Variants in HPSE2 observed in about 807,000 individuals in gnomAD.
The protein encoded by HPSE2 is heparanase 2 (inactive).
A neutral mutation model predicts 60.5 loss-of-function variants in HPSE2; 38 were observed. The observed-to-expected ratio is 0.63, with a 90% CI of 0.48 to 0.82. The LOEUF (loss-of-function observed/expected upper bound fraction) is 0.82. HPSE2 is among the 40% of genes least tolerant of loss of function. The pLI, the probability that HPSE2 is intolerant of heterozygous loss-of-function variation, is 0.00. For missense variants in HPSE2, 713 were observed against 740.4 expected (o/e 0.96, Z 0.43); for synonymous variants, 295 against 293.2 (o/e 1.01, Z -0.06).
At chr10:98,580,105 C>T (rs10883139) in intron 9 of HPSE2, among the ~76,000 whole-genome samples, 85,823 of 152,062 alleles carry the variant, frequency 0.56, 24,451 homozygotes, top group Middle Eastern at 0.65. Context: ...CAGTCTCCCG[C>T]GTTGATGAGA....
intron 3 of HPSE2, among the ~76,000 whole-genome samples, chr10:98,829,520 C>CA (rs200299856): frequency 0.018 from 2,676 of 148,566 alleles, 42 homozygotes; most frequent in Non-Finnish European, 0.027. Context: ...GACTCCATCT[C>CA]AAAAAAAACA....
At chr10:98,640,891 C>T (rs1332785046) in intron 7 of HPSE2, among the ~76,000 whole-genome samples, 2 of 152,120 alleles carry the variant, frequency 1.3e-5, no homozygotes, top group African/African-American at 2.4e-5. Flanking sequence ...AAAATAGAGA[C>T]CTCTGGGAGC....
intron 6 of HPSE2, among the ~76,000 whole-genome samples, chr10:98,645,647 C>T (rs1472891147): frequency 6.6e-6 from 1 of 152,120 alleles, no homozygotes; most frequent in African/African-American, 2.4e-5. Flanking sequence ...TTTGGTCATC[C>T]AGAATTCAGT....
At chr10:98,501,152 C>T (rs1478269114) in intron 9 of HPSE2, among the ~76,000 whole-genome samples, 1 of 151,936 alleles carries the variant, frequency 6.6e-6, no homozygotes, top group Non-Finnish European at 1.5e-5. Context: ...TGACACTATT[C>T]CAAAAGATAC....
chr10:98,691,297 C>T (rs1415626254), intron 6 of HPSE2, among the ~76,000 whole-genome samples: 1 of 152,098 alleles, frequency 6.6e-6, no homozygotes, highest in Non-Finnish European at 1.5e-5. Flanking sequence ...CAACCCCCTG[C>T]TTGCTTTTTA....
At chr10:99,192,174 G>C (rs1848244418) in intron 2 of HPSE2, among the ~76,000 whole-genome samples, 1 of 152,104 alleles carries the variant, frequency 6.6e-6, no homozygotes, top group African/African-American at 2.4e-5. Context: ...GAATGAAGTA[G>C]AAAGTTTATC....
In HPSE2 at chr10:99,215,476, G is replaced by A. The variant is rs116047744; in HGVS notation, c.448+16872C>T. Reference sequence around the variant, plus strand: ...GGGCCTGTCGGCGGGGTAGGGGGGCGAAAGGAGGGAGAGCATCAGGACAAA... The same window carrying A: ...GGGCCTGTCGGCGGGGTAGGGGGGCAAAAGGAGGGAGAGCATCAGGACAAA... On this transcript the variant is annotated intron_variant, in intron 2 of 11. Transcript: ENST00000370552. Among the ~76,000 whole-genome samples the A allele has an allele frequency of 5.9e-3, 891 of 152,284 alleles. 10 individuals carry two copies. Among genetic ancestry groups the A allele is most frequent in the African/African-American group, 0.02 (818 of 41,550 alleles).
chr10:99,032,053 A>G (rs1957509707), intron 3 of HPSE2, among the ~76,000 whole-genome samples: 1 of 152,200 alleles, frequency 6.6e-6, no homozygotes, highest in Non-Finnish European at 1.5e-5. Context: ...CACACCACAT[A>G]TATCTCGCTT....
intron 9 of HPSE2, among the ~76,000 whole-genome samples, chr10:98,512,985 G>A (rs977611812): frequency 2.0e-5 from 3 of 151,888 alleles, no homozygotes; most frequent in Non-Finnish European, 2.9e-5. Context: ...CTTTCTCCTG[G>A]GACACTTGAT....
chr10:98,480,013 T>C (rs368331427), intron 11 of HPSE2, among the ~76,000 whole-genome samples: 2 of 152,158 alleles, frequency 1.3e-5, no homozygotes, highest in South Asian at 4.1e-4. Context: ...ACATTATTAT[T>C]TGAGCTCAGT....
intron 5 of HPSE2, among the ~76,000 whole-genome samples, chr10:98,700,066 C>A (rs1392737795): frequency 1.3e-5 from 2 of 151,506 alleles, no homozygotes; most frequent in East Asian, 1.9e-4. Context: ...GGCCATACTG[C>A]CCAAGGTAAT....
intron 3 of HPSE2, among the ~76,000 whole-genome samples, chr10:99,036,578 A>G (rs1308978241): frequency 6.6e-6 from 1 of 152,248 alleles, no homozygotes; most frequent in Non-Finnish European, 1.5e-5. Context: ...AGAAAGGACA[A>G]CTAACTCTTT....
At chr10:98,752,675 C>T (rs1432280708) in intron 3 of HPSE2, among the ~76,000 whole-genome samples, 3 of 152,104 alleles carry the variant, frequency 2.0e-5, no homozygotes, top group Non-Finnish European at 2.9e-5. Flanking sequence ...TATTAATATT[C>T]TCATCTTACA....
At chr10:99,305,979 G>GCGCGCGCGTGCACACACACACA in the HPSE2 span, among the ~76,000 whole-genome samples, 1 of 80,580 alleles carries the variant, frequency 1.2e-5, no homozygotes, top group Non-Finnish European at 2.4e-5. Flanking sequence ...GCGCGCGCGC[G>GCGCGCGCGTGCACACACACACA]CACACACACA....
Position 98,601,827 on chromosome 10 carries a change from G to A in HPSE2, c.1320+13077C>T, listed in dbSNP as rs188046913. Among the ~76,000 whole-genome samples the A allele has an allele frequency of 4.3e-3, 653 of 152,028 alleles. 4 individuals are homozygous for A. The highest frequency in any genetic ancestry group is 0.015 in the African/African-American group (629 of 41,490). On this transcript the variant is annotated intron_variant, in intron 9 of 11. Transcript: ENST00000370552. ...GTGGGACTCGGTGGCCAGGGAAACT[G>A]ATGCAAATATGCTAATGATGCTTGC...
At chr10:99,012,384 G>T (rs2135403604) in intron 3 of HPSE2, among the ~76,000 whole-genome samples, 1 of 151,298 alleles carries the variant, frequency 6.6e-6, no homozygotes, top group South Asian at 2.1e-4. Flanking sequence ...CTGTGTGATT[G>T]GTCAACAACA....
At chr10:98,505,926 T>C (rs1253913404) in intron 9 of HPSE2, among the ~76,000 whole-genome samples, 1 of 152,190 alleles carries the variant, frequency 6.6e-6, no homozygotes, top group Admixed American at 6.5e-5. Context: ...TGTTTTATAT[T>C]GTGTTGAAAT....
chr10:98,684,424 A>C (rs1308676953), intron 6 of HPSE2, among the ~76,000 whole-genome samples: 2 of 151,534 alleles, frequency 1.3e-5, no homozygotes, highest in Non-Finnish European at 2.9e-5. Context: ...ATAAAAATAG[A>C]GATAGTTAAT....
intron 3 of HPSE2, among the ~76,000 whole-genome samples, chr10:98,995,403 T>C (rs1379378190): frequency 6.6e-6 from 1 of 152,194 alleles, no homozygotes; most frequent in African/African-American, 2.4e-5. Flanking sequence ...TATTACCAAT[T>C]ACTATTTTTA....
Sources: allele counts gnomAD v4.1 joint callset (sites outside exome capture counted in the v4.1 genomes callset), GRCh38; gene constraint gnomAD v4.1.1; transcripts MANE v1.5; gene names NCBI Gene and HGNC (gene_info 2026-07-23, HGNC 2026-07-21).